MRPL13: variants seen among roughly 807,000 people sequenced by gnomAD.
MRPL13 encodes mitochondrial ribosomal protein L13, also known as large ribosomal subunit protein uL13m.
MRPL13 carries 33 observed loss-of-function variants against 29.0 expected under a neutral mutation model. That is an observed-to-expected ratio of 1.14 (90% CI 0.86 to 1.52). MRPL13 has a LOEUF of 1.52. Among genes scored for constraint, MRPL13 ranks in the 40% most tolerant of loss-of-function variants. The pLI, the probability that MRPL13 is intolerant of heterozygous loss-of-function variation, is 0.00. For synonymous variants in MRPL13, 77 were observed against 68.4 expected, an observed-to-expected ratio of 1.13 and a Z score of -0.62; for missense variants, 227 against 216.7, an observed-to-expected ratio of 1.05 and a Z score of -0.30.
At chr8:120,422,472 G>A (rs1354015280) in intron 4 of MRPL13, among the ~76,000 whole-genome samples, 1 of 150,672 alleles carries the variant, frequency 6.6e-6, no homozygotes, top group Non-Finnish European at 1.5e-5. Context: ...AATACACAAA[G>A]AAATAAACAT....
rs189640433 is a variant in MRPL13, at chr8:120,409,081, T to C, written c.515+4910A>G. Among the ~76,000 whole-genome samples the C allele has an allele frequency of 1.8e-3, 275 of 152,306 alleles. 1 individual carries two copies. The highest frequency in any genetic ancestry group is 6.5e-3 in the African/African-American group (270 of 41,574). Reference sequence around the variant, plus strand: ...CATCCATCTCTCCTTTGCAGGCACATTTCTAATAGCACACTCTAGAGTACT... The same window carrying C: ...CATCCATCTCTCCTTTGCAGGCACACTTCTAATAGCACACTCTAGAGTACT... On this transcript the variant is annotated intron_variant, in intron 6 of 6. Coordinates refer to ENST00000306185, the MANE Select transcript of MRPL13 (RefSeq NM_014078.6).
chr8:120,416,535 A>G (rs1812805939), intron 5 of MRPL13, among the ~76,000 whole-genome samples: 1 of 152,146 alleles, frequency 6.6e-6, no homozygotes, highest in African/African-American at 2.4e-5. Context: ...AGTTCCCTTC[A>G]CACAGAGGTG....
At chr8:120,438,465 T>C (rs536318469) in intron 2 of MRPL13, among the ~76,000 whole-genome samples, 2 of 152,330 alleles carry the variant, frequency 1.3e-5, no homozygotes, top group African/African-American at 4.8e-5. Context: ...TTCATCCATA[T>C]CTAAGGTATG....
intron 6 of MRPL13, among the ~76,000 whole-genome samples, chr8:120,406,383 T>C (rs1812667885): frequency 6.6e-6 from 1 of 152,198 alleles, no homozygotes; most frequent in Non-Finnish European, 1.5e-5. Context: ...TCACACTTCA[T>C]GAACTGAACA....
At chr8:120,430,086 A>C (rs938753385) in intron 3 of MRPL13, among the ~76,000 whole-genome samples, 3 of 152,038 alleles carry the variant, frequency 2.0e-5, no homozygotes, top group African/African-American at 4.8e-5. Flanking sequence ...ACATGGAGAA[A>C]CCCTGTCCCT....
intron 6 of MRPL13, among the ~76,000 whole-genome samples, chr8:120,397,319 C>T (rs1247354881): frequency 6.6e-6 from 1 of 152,134 alleles, no homozygotes; most frequent in Non-Finnish European, 1.5e-5. Flanking sequence ...GGAGATCCAT[C>T]CATAAATTCT....
At chr8:120,397,917 G>GGT (rs1444022295) in intron 6 of MRPL13, among the ~76,000 whole-genome samples, 1 of 152,112 alleles carries the variant, frequency 6.6e-6, no homozygotes, top group African/African-American at 2.4e-5. Flanking sequence ...CTCACCAGTT[G>GGT]GTGCCAGTGA....
chr8:120,414,174 T>A, intron 5 of MRPL13, 62 bp from the exon 6 acceptor site: 1 of 1,165,748 alleles, frequency 8.6e-7, no homozygotes, highest in Non-Finnish European at 1.1e-6. Flanking sequence ...AATAAATTAC[T>A]AATACTTCAT....
At chr8:120,403,813 T>A (rs549047298) in intron 6 of MRPL13, among the ~76,000 whole-genome samples, 1 of 152,278 alleles carries the variant, frequency 6.6e-6, no homozygotes, top group Admixed American at 6.5e-5. Flanking sequence ...CCCCATAGCC[T>A]ACCTAAGAAG....
chr8:120,408,849 G>A (rs1812709049), intron 6 of MRPL13, among the ~76,000 whole-genome samples: 1 of 152,316 alleles, frequency 6.6e-6, no homozygotes, highest in South Asian at 2.1e-4. Flanking sequence ...TATGCACTAA[G>A]CTTAAATCCG....
intron 5 of MRPL13, chr8:120,415,303 T>A (rs1586921247): frequency 6.6e-6 from 1 of 152,290 alleles, no homozygotes; most frequent in East Asian, 1.9e-4. Flanking sequence ...CTCATTATAG[T>A]ATGTGTACAG....
chr8:120,420,114 C>T (rs1361785287), intron 4 of MRPL13, among the ~76,000 whole-genome samples, 176 bp from the exon 5 acceptor site: 1 of 151,810 alleles, frequency 6.6e-6, no homozygotes, highest in African/African-American at 2.4e-5. Context: ...TTACTTTGTA[C>T]ATTACTATTT....
intron 4 of MRPL13, among the ~76,000 whole-genome samples, chr8:120,424,784 A>T (rs764441150): frequency 6.6e-6 from 1 of 152,028 alleles, no homozygotes; most frequent in Non-Finnish European, 1.5e-5. Flanking sequence ...TAAATAAATA[A>T]ATAATAAAAT....
rs111327261 is a variant in MRPL13 at position 120,419,709 on chromosome 8, C to T, written c.393+143G>A. Reference sequence around the variant, plus strand: ...ATAGAATTATCATTTTTTATACATACATATTCATTTAAAAATACAAAAATA... The same window carrying T: ...ATAGAATTATCATTTTTTATACATATATATTCATTTAAAAATACAAAAATA... On this transcript the variant is annotated intron_variant, in intron 5 of 6. Transcript: ENST00000306185. 5.0e-3 allele frequency: 2,615 copies of T among 520,740 alleles called. 46 individuals carry two copies. Among genetic ancestry groups the T allele is most frequent in the African/African-American group, 0.045 (2,250 of 49,866 alleles). 32.3% of individuals were successfully genotyped at this position (520,740 alleles called of 1,614,324 possible).
chr8:120,396,628 A>G (rs1361859813), intron 6 of MRPL13, among the ~76,000 whole-genome samples: 1 of 152,232 alleles, frequency 6.6e-6, no homozygotes, highest in Non-Finnish European at 1.5e-5. Flanking sequence ...ATTTACAAAC[A>G]TAACTGGTTT....
chr8:120,418,314 T>C (rs1251621734), intron 5 of MRPL13, among the ~76,000 whole-genome samples: 1 of 152,164 alleles, frequency 6.6e-6, no homozygotes, highest in Non-Finnish European at 1.5e-5. Flanking sequence ...TATTGTACCA[T>C]TATTGAATAC....
chr8:120,415,376 A>C (rs1420968433), intron 5 of MRPL13: 2 of 152,194 alleles, frequency 1.3e-5, no homozygotes, highest in African/African-American at 4.8e-5. Context: ...GCACTATTAC[A>C]AGTGGGAATC....
intron 6 of MRPL13, among the ~76,000 whole-genome samples, chr8:120,401,543 A>G (rs1304149124): frequency 2.0e-5 from 3 of 152,296 alleles, no homozygotes; most frequent in Middle Eastern, 3.4e-3. Flanking sequence ...TACAGCCAAT[A>G]TCATACTGAA....
chr8:120,404,836 G>C (rs1812646308), intron 6 of MRPL13, among the ~76,000 whole-genome samples: 1 of 152,128 alleles, frequency 6.6e-6, no homozygotes, highest in Non-Finnish European at 1.5e-5. Flanking sequence ...TAAACAATTT[G>C]ACTCCGGTGC....
Sources: allele counts gnomAD v4.1 joint callset (sites outside exome capture counted in the v4.1 genomes callset), GRCh38; gene constraint gnomAD v4.1.1; transcripts MANE v1.5; gene names NCBI Gene and HGNC (gene_info 2026-07-23, HGNC 2026-07-21).